TNIK: variants seen among roughly 807,000 people sequenced by gnomAD.
TNIK encodes the protein TRAF2 and NCK-interacting protein kinase.
TNIK carries 49 observed loss-of-function variants against 191.3 expected under a neutral mutation model. The observed-to-expected ratio is 0.26, with a 90% CI of 0.20 to 0.32. TNIK has a LOEUF of 0.32. Ranked by LOEUF, TNIK falls within the 10% of genes least tolerant of loss-of-function variation. The pLI is 1.00. For missense variants in TNIK, 1,155 were observed against 1,702.3 expected, an observed-to-expected ratio of 0.68 and a Z score of 5.66; for synonymous variants, 594 against 600.9, an observed-to-expected ratio of 0.99 and a Z score of 0.17.
intron 12 of TNIK, among the ~76,000 whole-genome samples, chr3:171,145,779 C>CTT (rs397875512): frequency 0.078 from 10,337 of 133,244 alleles, 430 homozygotes; most frequent in Middle Eastern, 0.16. Flanking sequence ...TCAGTCTTTC[C>CTT]TTTTTTTTTT....
intron 2 of TNIK, among the ~76,000 whole-genome samples, chr3:171,313,268 C>CTTTCT (rs1428306292): frequency 2.5e-5 from 3 of 118,268 alleles, no homozygotes; most frequent in African/African-American, 9.1e-5. Flanking sequence ...TTCTTTCTTT[C>CTTTCT]TTTTTTTTTA....
At chr3:171,308,627 G>A (rs1473649251) in intron 2 of TNIK, among the ~76,000 whole-genome samples, 1 of 151,946 alleles carries the variant, frequency 6.6e-6, no homozygotes, top group Non-Finnish European at 1.5e-5. Context: ...AACAACTTAT[G>A]GAATGGGACA....
At chr3:171,287,938 T>A (rs34792893) in intron 2 of TNIK, among the ~76,000 whole-genome samples, 3,206 of 145,960 alleles carry the variant, frequency 0.022, 51 homozygotes, top group African/African-American at 0.045. Context: ...ACAATGATAG[T>A]CTGGATCAAG....
intron 25 of TNIK, 41 bp downstream of exon 25, chr3:171,085,077 A>G (rs755416982): frequency 1.3e-6 from 2 of 1,516,188 alleles, no homozygotes; most frequent in East Asian, 2.4e-5. Flanking sequence ...CCAGAAAGGA[A>G]GACGAAGCTG....
At chr3:171,231,065 T>C (rs973325432) in intron 2 of TNIK, among the ~76,000 whole-genome samples, 10 of 152,218 alleles carry the variant, frequency 6.6e-5, no homozygotes, top group Admixed American at 2.0e-4. Flanking sequence ...GAAATCCTCT[T>C]TGAGTGAATA....
intron 2 of TNIK, among the ~76,000 whole-genome samples, chr3:171,245,566 TAAA>T (rs201701654): frequency 8.6e-6 from 1 of 116,688 alleles, no homozygotes; most frequent in Non-Finnish European, 1.9e-5. Context: ...ACTTTAACAA[TAAA>T]AAAAAAAAAA....
intron 7 of TNIK, among the ~76,000 whole-genome samples, chr3:171,179,234 T>C (rs1736342023): frequency 6.6e-6 from 1 of 152,220 alleles, no homozygotes; most frequent in Non-Finnish European, 1.5e-5. Context: ...CTTCTCTTTG[T>C]TATGTTTCAA....
At position 171,138,303 on chromosome 3, in the gene TNIK, T is replaced by A. The variant is rs754618985; in HGVS notation, c.1496A>T (p.Tyr499Phe). The A allele has an allele frequency of 6.2e-7, 1 of 1,613,298 alleles. No homozygotes were observed. The highest frequency in any genetic ancestry group is 2.2e-5 in the East Asian group (1 of 44,830). Residue 499 changes from tyrosine to phenylalanine, a missense_variant, in exon 15 of 33, where the codon TAC (tyrosine) becomes TTC (phenylalanine). Transcript: ENST00000436636. ...CCGCTGATGCTGAAGGGAAACTAAG[T>A]AGTCTCTTTCTTGCTTTAGCTGCCT... ...LQRQLKQERD[Y>F]LVSLQHQRQE...
intron 2 of TNIK, among the ~76,000 whole-genome samples, chr3:171,293,217 A>G (rs1435137138): frequency 2.0e-5 from 3 of 152,240 alleles, no homozygotes; most frequent in East Asian, 3.8e-4. Context: ...TTATCTATAT[A>G]TCAAGAATCA....
At chr3:171,332,182 G>A (rs971009299) in intron 2 of TNIK, among the ~76,000 whole-genome samples, 8 of 151,996 alleles carry the variant, frequency 5.3e-5, no homozygotes, top group Non-Finnish European at 8.8e-5. Flanking sequence ...TGATTATATG[G>A]TATTTCCCCT....
At chr3:171,285,805 T>C (rs1750944206) in intron 2 of TNIK, among the ~76,000 whole-genome samples, 1 of 152,212 alleles carries the variant, frequency 6.6e-6, no homozygotes, top group Non-Finnish European at 1.5e-5. Flanking sequence ...TTAACTGCCA[T>C]CTCGCCACAG....
intron 8 of TNIK, 67 bp from the exon 9 acceptor site, chr3:171,175,397 C>T: frequency 7.0e-7 from 1 of 1,419,216 alleles, no homozygotes; most frequent in South Asian, 1.4e-5. Context: ...CCCGTCTTGG[C>T]TGTGCAGATA....
chr3:171,340,794 CAAG>C (rs1317536219), intron 2 of TNIK, among the ~76,000 whole-genome samples: 2 of 151,942 alleles, frequency 1.3e-5, no homozygotes, highest in African/African-American at 4.8e-5. Flanking sequence ...AACAGAAAAA[CAAG>C]AAAACAGGCA....
In TNIK at chr3:171,302,907, C is replaced by T. The variant is rs1753035895; in HGVS notation, c.123+66713G>A. Reference sequence around the variant, plus strand: ...CCACATCCAGCCCAAGTCTCTCTTGCTCAAATCATCTGGTTTCCTTATCAT... The same window carrying T: ...CCACATCCAGCCCAAGTCTCTCTTGTTCAAATCATCTGGTTTCCTTATCAT... On this transcript the variant is annotated intron_variant, in intron 2 of 32. Coordinates refer to ENST00000436636, the MANE Select transcript of TNIK (RefSeq NM_015028.4). Among the ~76,000 whole-genome samples the T allele has an allele frequency of 2.6e-5, 4 of 152,184 alleles. No individual in the cohort carries two copies. In the South Asian group the frequency reaches 8.3e-4, roughly 31 times the overall value.
chr3:171,134,082 G>A (rs1729663898), intron 15 of TNIK, among the ~76,000 whole-genome samples: 1 of 152,022 alleles, frequency 6.6e-6, no homozygotes, highest in Non-Finnish European at 1.5e-5. Flanking sequence ...TTATTGCCAG[G>A]CCCAGAAAAT....
At chr3:171,113,279 C>T (rs766894568) in intron 18 of TNIK, among the ~76,000 whole-genome samples, 8 of 151,832 alleles carry the variant, frequency 5.3e-5, no homozygotes, top group African/African-American at 9.7e-5. Flanking sequence ...AGGCTATTAC[C>T]GACGGGTAGA....
At chr3:171,422,711 T>C (rs1285051938) in intron 1 of TNIK, among the ~76,000 whole-genome samples, 1 of 152,250 alleles carries the variant, frequency 6.6e-6, no homozygotes, top group Admixed American at 6.5e-5. Flanking sequence ...GAAGAGCTCA[T>C]AGTCCAATAA....
At chr3:171,286,783 G>T (rs1278094861) in intron 2 of TNIK, among the ~76,000 whole-genome samples, 1 of 152,168 alleles carries the variant, frequency 6.6e-6, no homozygotes, top group African/African-American at 2.4e-5. Flanking sequence ...GTTATGCAAG[G>T]TACTTCTATT....
chr3:171,186,150 A>G (rs1459803584), intron 7 of TNIK, among the ~76,000 whole-genome samples: 1 of 152,252 alleles, frequency 6.6e-6, no homozygotes, highest in East Asian at 1.9e-4. Context: ...GTGAATGAAT[A>G]AATGATTTTG....
Sources: allele counts gnomAD v4.1 joint callset (sites outside exome capture counted in the v4.1 genomes callset), GRCh38; gene constraint gnomAD v4.1.1; transcripts MANE v1.5; gene names NCBI Gene and HGNC (gene_info 2026-07-23, HGNC 2026-07-21).